Variants in PKD2L1 observed in about 807,000 individuals in gnomAD.
The protein encoded by PKD2L1 is polycystin 2 like 1, transient receptor potential cation channel, also known as polycystin-2-like protein 1.
A neutral mutation model predicts 93.0 loss-of-function variants in PKD2L1; 77 were observed. The ratio of observed to expected loss-of-function variants is 0.83; its 90% CI spans 0.69 to 1.00. The LOEUF (loss-of-function observed/expected upper bound fraction) is 1.00. Ranked by LOEUF, PKD2L1 falls within the 50% of genes least tolerant of loss-of-function variation. PKD2L1 has a pLI of 0.00. For missense variants in PKD2L1, 977 were observed against 990.9 expected, an observed-to-expected ratio of 0.99 and a Z score of 0.19; for synonymous variants, 390 against 388.0, an observed-to-expected ratio of 1.01 and a Z score of -0.06.
In PKD2L1 at chr10:100,299,684, G is replaced by C. The variant is rs1564884675; in HGVS notation, c.384C>G (p.Tyr128Ter). Residue 128 changes from tyrosine (Y) to a stop codon, truncating the protein, a stop_gained, in exon 3 of 16, where the codon TAC (tyrosine) becomes TAG (stop). Coordinates refer to ENST00000318222, the MANE Select transcript of PKD2L1 (RefSeq NM_016112.3). LOFTEE classifies it high-confidence loss of function. Reference sequence around the variant, plus strand: ...AGAGCTCAGACATCACTTTGGTGTAGTAATAAGCACTGGAGCTTGTCATTC... The same window carrying C: ...AGAGCTCAGACATCACTTTGGTGTACTAATAAGCACTGGAGCTTGTCATTC... Reference protein sequence around the residue: ...TYGMTSSSAYYYTKVMSELFL... With the variant: ...TYGMTSSSAY The C allele has an allele frequency of 6.2e-7, 1 of 1,613,344 alleles. No homozygotes were observed. Among genetic ancestry groups the C allele is most frequent in the Middle Eastern group, 1.7e-4 (1 of 6,058 alleles).
At chr10:100,294,881 A>G in intron 8 of PKD2L1, 61 bp downstream of exon 8, 2 of 1,478,140 alleles carry the variant, frequency 1.4e-6, no homozygotes, top group Non-Finnish European at 1.9e-6. Context: ...CCAAGGATAC[A>G]TACACCCGTG....
intron 14 of PKD2L1, among the ~76,000 whole-genome samples, chr10:100,289,785 T>C (rs1401005575): frequency 6.6e-6 from 1 of 152,174 alleles, no homozygotes; most frequent in African/African-American, 2.4e-5. Context: ...CCAAACAGAC[T>C]GACACAGACC....
intron 1 of PKD2L1, 57 bp downstream of exon 1, chr10:100,329,811 CT>C: frequency 8.0e-7 from 1 of 1,252,772 alleles, no homozygotes; most frequent in East Asian, 2.3e-5. Flanking sequence ...TGCCCAAAAG[CT>C]TTTGGTGACT....
chr10:100,329,479 C>T (rs2133578502), intron 1 of PKD2L1, 155 bp from the exon 2 acceptor site: 1 of 991,810 alleles, frequency 1.0e-6, no homozygotes, highest in South Asian at 1.6e-5. Context: ...TGTACCCACA[C>T]CCATGCTTGC....
At chr10:100,307,703 A>G (rs1028761504) in intron 2 of PKD2L1, among the ~76,000 whole-genome samples, 11 of 152,302 alleles carry the variant, frequency 7.2e-5, no homozygotes, top group Non-Finnish European at 1.5e-4. Context: ...CTTTAGCTAC[A>G]TAAAAGGCAG....
chr10:100,292,214 C>T (rs966885547), intron 11 of PKD2L1, among the ~76,000 whole-genome samples: 4 of 151,946 alleles, frequency 2.6e-5, no homozygotes, highest in Non-Finnish European at 5.9e-5. Context: ...AGACTTTGTC[C>T]CATTTAATTA....
chr10:100,323,977 G>A (rs182643749), intron 2 of PKD2L1, among the ~76,000 whole-genome samples: 296 of 152,108 alleles, frequency 1.9e-3, no homozygotes, highest in African/African-American at 6.8e-3. Context: ...ACAGGTGCCC[G>A]CCATCACGCC....
At chr10:100,321,902 A>G (rs1325964426) in intron 2 of PKD2L1, among the ~76,000 whole-genome samples, 9 of 127,618 alleles carry the variant, frequency 7.1e-5, no homozygotes, top group African/African-American at 2.3e-4. Flanking sequence ...GAGGGAAGGA[A>G]GCAAGGAAGG....
In PKD2L1 at chr10:100,291,475, C is replaced by A. The variant is rs765493278; in HGVS notation, c.1881-48G>T. The A allele has an allele frequency of 5.0e-6, 8 of 1,603,184 alleles. No homozygotes were observed. In the East Asian group the frequency reaches 1.1e-4, roughly 22 times the overall value. On this transcript the variant is annotated intron_variant, in intron 11 of 15. Coordinates refer to ENST00000318222, the MANE Select transcript of PKD2L1 (RefSeq NM_016112.3). Reference sequence around the variant, plus strand: ...ATTTCTGCCCAGCTGTGGCTGTGACCTCTCAGTTATGGACTTCCTCACTCT... The same window carrying A: ...ATTTCTGCCCAGCTGTGGCTGTGACATCTCAGTTATGGACTTCCTCACTCT...
At chr10:100,311,095 C>G (rs1041389033) in intron 2 of PKD2L1, among the ~76,000 whole-genome samples, 11 of 152,174 alleles carry the variant, frequency 7.2e-5, no homozygotes, top group Non-Finnish European at 1.5e-4. Context: ...ATATAAAAAC[C>G]AACAAGGCCA....
At position 100,299,702 on chromosome 10, in the gene PKD2L1, T is replaced by C; in HGVS notation, c.366A>G (p.Thr122=). 3 of 1,613,752 alleles carry C rather than the reference T, an allele frequency of 1.9e-6. No homozygotes were observed. Among genetic ancestry groups the C allele is most frequent in the Non-Finnish European group, 2.5e-6 (3 of 1,179,642 alleles). The change falls in exon 3 of 16, where the codon ACA becomes ACG. Residue 122 remains threonine (T), a synonymous_variant. Transcript: ENST00000318222. ...TGGTGTAGTAATAAGCACTGGAGCT[T>C]GTCATTCCATAGGTCACTAGAAAAC... ...VDICLLTYGM[T]SSSAYYYTKV...
chr10:100,296,393 T>TG, intron 6 of PKD2L1, 101 bp from the exon 7 acceptor site: 1 of 973,936 alleles, frequency 1.0e-6, no homozygotes, highest in Non-Finnish European at 1.5e-6. Context: ...GTAAGACAGG[T>TG]GGGAAAAAAG....
intron 2 of PKD2L1, among the ~76,000 whole-genome samples, chr10:100,304,403 AAC>A (rs552828990): frequency 5.9e-5 from 9 of 152,360 alleles, no homozygotes; most frequent in African/African-American, 2.2e-4. Flanking sequence ...TTATTCTAAA[AAC>A]ACATTTTATA....
chr10:100,313,446 C>T (rs1308587500), intron 2 of PKD2L1, among the ~76,000 whole-genome samples: 1 of 152,138 alleles, frequency 6.6e-6, no homozygotes, highest in Admixed American at 6.5e-5. Context: ...CATGCACTGT[C>T]TTAACAAATG....
At chr10:100,305,644 TA>T (rs1469373283) in intron 2 of PKD2L1, among the ~76,000 whole-genome samples, 2 of 152,176 alleles carry the variant, frequency 1.3e-5, no homozygotes, top group Admixed American at 1.3e-4. Context: ...AACCCCTCCC[TA>T]CACAGCGTGA....
At chr10:100,316,894 CT>C (rs1849111633) in intron 2 of PKD2L1, among the ~76,000 whole-genome samples, 1 of 152,092 alleles carries the variant, frequency 6.6e-6, no homozygotes. Context: ...CGAGTCCAGC[CT>C]GGGTAACATG....
chr10:100,296,439 A>G, intron 6 of PKD2L1, 147 bp from the exon 7 acceptor site: 1 of 590,186 alleles, frequency 1.7e-6, no homozygotes, highest in Non-Finnish European at 2.9e-6. Flanking sequence ...CTCAGTTTCA[A>G]ATGGAACTTG....
At chr10:100,293,502 G>C (rs975496622) in intron 9 of PKD2L1, 123 bp from the exon 10 acceptor site, 1 of 665,392 alleles carries the variant, frequency 1.5e-6, no homozygotes, top group Non-Finnish European at 2.8e-6. Context: ...ACCCCAGTTC[G>C]GCAGCCCATC....
intron 2 of PKD2L1, among the ~76,000 whole-genome samples, chr10:100,311,560 A>T (rs1848932797): frequency 2.0e-5 from 3 of 152,214 alleles, no homozygotes; most frequent in Non-Finnish European, 4.4e-5. Context: ...AGACCTGCCC[A>T]GCTCAGAGCA....
Sources: allele counts gnomAD v4.1 joint callset (sites outside exome capture counted in the v4.1 genomes callset), GRCh38; gene constraint gnomAD v4.1.1; transcripts MANE v1.5; gene names NCBI Gene and HGNC (gene_info 2026-07-23, HGNC 2026-07-21).